INPP4B: variants seen among roughly 807,000 people sequenced by gnomAD.
INPP4B encodes inositol polyphosphate 4-phosphatase type II.
Under a neutral mutation model 122.5 loss-of-function variants are expected in INPP4B, and 55 were observed. The ratio of observed to expected loss-of-function variants is 0.45; its 90% CI spans 0.36 to 0.56. The LOEUF (loss-of-function observed/expected upper bound fraction) is 0.56. Among genes scored for constraint, INPP4B ranks in the 20% least tolerant of loss-of-function variants. The pLI is 0.00. For synonymous variants in INPP4B, 403 were observed against 388.7 expected, an observed-to-expected ratio of 1.04 and a Z score of -0.43; for missense variants, 1,000 against 1,097.7, an observed-to-expected ratio of 0.91 and a Z score of 1.26.
intron 7 of INPP4B, among the ~76,000 whole-genome samples, chr4:142,354,432 C>T (rs969254599): frequency 2.0e-5 from 3 of 151,870 alleles, no homozygotes; most frequent in African/African-American, 7.3e-5. Context: ...TTCTTGTGTC[C>T]CCCACAGACC....
chr4:142,650,221 A>G (rs184462154), intron 2 of INPP4B, among the ~76,000 whole-genome samples: 3,368 of 152,328 alleles, frequency 0.022, 71 homozygotes, highest in Non-Finnish European at 0.029. Flanking sequence ...AGGAAGCACT[A>G]AACATGGAAA....
At chr4:142,647,328 A>G (rs1332571447) in intron 2 of INPP4B, among the ~76,000 whole-genome samples, 2 of 152,202 alleles carry the variant, frequency 1.3e-5, no homozygotes, top group Admixed American at 1.3e-4. Context: ...TTTAAAAATA[A>G]TAATTTGGAA....
chr4:142,747,707 T>A (rs1296527500), intron 1 of INPP4B, among the ~76,000 whole-genome samples: 2 of 152,144 alleles, frequency 1.3e-5, no homozygotes, highest in Admixed American at 6.5e-5. Flanking sequence ...AAGAATGAGT[T>A]CATGTCTTTT....
intron 1 of INPP4B, chr4:142,766,865 A>G (rs1580866164): frequency 1.3e-5 from 2 of 152,274 alleles, no homozygotes; most frequent in African/African-American, 4.8e-5. Context: ...GTACATGTGG[A>G]TGTGTATTTA....
At chr4:142,296,056 T>C (rs890142534) in intron 9 of INPP4B, among the ~76,000 whole-genome samples, 27 of 145,576 alleles carry the variant, frequency 1.9e-4, no homozygotes, top group African/African-American at 5.8e-4. Context: ...TGTGTACAGA[T>C]ATTAACTTTA....
intron 2 of INPP4B, among the ~76,000 whole-genome samples, chr4:142,624,720 A>C (rs887202374): frequency 7.2e-5 from 11 of 152,082 alleles, no homozygotes; most frequent in South Asian, 2.1e-4. Context: ...AACATTCGTG[A>C]AAAAATCCTC....
chr4:142,548,534 TA>T (rs1727185735), intron 2 of INPP4B, among the ~76,000 whole-genome samples: 1 of 152,162 alleles, frequency 6.6e-6, no homozygotes, highest in Admixed American at 6.6e-5. Flanking sequence ...ATTGCCTCCA[TA>T]ACAACTCACC....
chr4:142,164,033 A>G (rs1028684837), intron 16 of INPP4B, among the ~76,000 whole-genome samples: 21 of 151,896 alleles, frequency 1.4e-4, no homozygotes, highest in African/African-American at 5.1e-4. Context: ...TTATTTTTTC[A>G]TATTAGAAAA....
At chr4:142,297,066 A>C (rs1759051869) in intron 9 of INPP4B, among the ~76,000 whole-genome samples, 1 of 152,160 alleles carries the variant, frequency 6.6e-6, no homozygotes, top group Non-Finnish European at 1.5e-5. Flanking sequence ...GCAACCTCTA[A>C]AAGCAAAACT....
At chr4:142,543,651 C>G (rs937113816) in intron 2 of INPP4B, among the ~76,000 whole-genome samples, 1 of 152,074 alleles carries the variant, frequency 6.6e-6, no homozygotes, top group Non-Finnish European at 1.5e-5. Flanking sequence ...CATTGCACAG[C>G]ATTTTTCCTT....
chr4:142,393,976 G>C (rs1798532553), intron 7 of INPP4B, among the ~76,000 whole-genome samples: 1 of 152,190 alleles, frequency 6.6e-6, no homozygotes, highest in Admixed American at 6.5e-5. Flanking sequence ...TAATTTGGCT[G>C]AAGTTTTTCC....
chr4:142,183,137 C>T (rs1352619903), intron 15 of INPP4B, among the ~76,000 whole-genome samples: 1 of 152,172 alleles, frequency 6.6e-6, no homozygotes, highest in South Asian at 2.1e-4. Context: ...CAGTGAATGG[C>T]ACTATCATTC....
chr4:142,195,445 A>T (rs1416984907), intron 14 of INPP4B, among the ~76,000 whole-genome samples: 1 of 152,186 alleles, frequency 6.6e-6, no homozygotes, highest in African/African-American at 2.4e-5. Flanking sequence ...TTCTTAAAAC[A>T]GCATCAACAA....
intron 8 of INPP4B, among the ~76,000 whole-genome samples, chr4:142,313,427 G>C (rs893905311): frequency 6.6e-6 from 1 of 152,172 alleles, no homozygotes; most frequent in Non-Finnish European, 1.5e-5. Context: ...AGTGCCAGGG[G>C]TGTGATGAGA....
At chr4:142,037,476 T>A (rs1288178284) in intron 25 of INPP4B, among the ~76,000 whole-genome samples, 1 of 152,194 alleles carries the variant, frequency 6.6e-6, no homozygotes, top group African/African-American at 2.4e-5. Context: ...GTTTGCTATT[T>A]GATATCTTAT....
Position 142,142,400 on chromosome 4 carries a change from T to G in INPP4B, c.1720+3440A>C, listed in dbSNP as rs181560622. Reference sequence around the variant, plus strand: ...TGCTTTTAGATCCTGTTAGTTAGAGTGTCTTTTGTTATAGAGAACCATGAA... The same window carrying G: ...TGCTTTTAGATCCTGTTAGTTAGAGGGTCTTTTGTTATAGAGAACCATGAA... On this transcript the variant is annotated intron_variant, in intron 18 of 25. Coordinates refer to ENST00000262992, the MANE Select transcript of INPP4B (RefSeq NM_001101669.3). Among the ~76,000 whole-genome samples the G allele has an allele frequency of 3.7e-3, 560 of 152,062 alleles. 2 individuals carry two copies. Among genetic ancestry groups the G allele is most frequent in the Non-Finnish European group, 5.2e-3 (356 of 67,942 alleles).
At chr4:142,367,218 G>GTGTC (rs1787877341) in intron 7 of INPP4B, among the ~76,000 whole-genome samples, 1 of 151,372 alleles carries the variant, frequency 6.6e-6, no homozygotes, top group African/African-American at 2.4e-5. Context: ...GTGTGTGTGT[G>GTGTC]TGTGTGTATT....
chr4:142,390,258 A>C (rs1797241525), intron 7 of INPP4B, among the ~76,000 whole-genome samples: 1 of 152,206 alleles, frequency 6.6e-6, no homozygotes, highest in Non-Finnish European at 1.5e-5. Flanking sequence ...TTTTCATGTA[A>C]TATTAGAAGA....
chr4:142,675,710 T>C (rs1228997447), intron 2 of INPP4B, among the ~76,000 whole-genome samples: 1 of 152,062 alleles, frequency 6.6e-6, no homozygotes, highest in Non-Finnish European at 1.5e-5. Flanking sequence ...ATTCAATAAG[T>C]GTAATCCATC....
Sources: allele counts gnomAD v4.1 joint callset (sites outside exome capture counted in the v4.1 genomes callset), GRCh38; gene constraint gnomAD v4.1.1; transcripts MANE v1.5; gene names NCBI Gene and HGNC (gene_info 2026-07-23, HGNC 2026-07-21).